PLPPR1: variants seen among roughly 807,000 people sequenced by gnomAD.
The protein encoded by PLPPR1 is phospholipid phosphatase-related protein type 1.
PLPPR1 carries 10 observed loss-of-function variants against 33.1 expected under a neutral mutation model. The observed-to-expected ratio is 0.30, with a 90% confidence interval of 0.19 to 0.51. The LOEUF (loss-of-function observed/expected upper bound fraction) is 0.51. Among genes scored for constraint, PLPPR1 ranks in the 20% least tolerant of loss-of-function variants. The probability of loss-of-function intolerance (pLI) is 0.97; values close to 1 mark genes in which losing one functional copy is unlikely to be tolerated. For synonymous variants in PLPPR1, 151 were observed against 151.0 expected, an observed-to-expected ratio of 1.00 and a Z score of 0.00; for missense variants, 304 against 408.1, an observed-to-expected ratio of 0.74 and a Z score of 2.20.
At chr9:101,146,547 G>A (rs554411750) in intron 1 of PLPPR1, among the ~76,000 whole-genome samples, 4 of 152,290 alleles carry the variant, frequency 2.6e-5, no homozygotes, top group South Asian at 4.1e-4. Context: ...TGGATTACCC[G>A]GGAATTTTAG....
intron 3 of PLPPR1, among the ~76,000 whole-genome samples, chr9:101,278,708 G>A (rs957739664): frequency 2.6e-5 from 4 of 152,160 alleles, no homozygotes; most frequent in African/African-American, 4.8e-5. Context: ...TCCACAAACT[G>A]AGTCCCAGTC....
chr9:101,080,768 TG>T (rs1358837263), intron 1 of PLPPR1, among the ~76,000 whole-genome samples: 1 of 152,182 alleles, frequency 6.6e-6, no homozygotes, highest in Non-Finnish European at 1.5e-5. Context: ...GTTTTCAGTA[TG>T]GGGCTTTGCA....
At chr9:101,160,120 G>A (rs1407895393) in intron 1 of PLPPR1, among the ~76,000 whole-genome samples, 1 of 152,146 alleles carries the variant, frequency 6.6e-6, no homozygotes, top group Non-Finnish European at 1.5e-5. Context: ...GACAGCTTGA[G>A]CCTCTAGAAA....
intron 1 of PLPPR1, among the ~76,000 whole-genome samples, chr9:101,057,290 G>A (rs1036540195): frequency 9.2e-5 from 14 of 152,006 alleles, no homozygotes; most frequent in Admixed American, 6.6e-4. Flanking sequence ...GATGAAAAAC[G>A]TGATTTGATC....
chr9:101,153,339 A>G (rs967721470), intron 1 of PLPPR1, among the ~76,000 whole-genome samples: 1 of 152,172 alleles, frequency 6.6e-6, no homozygotes, highest in African/African-American at 2.4e-5. Flanking sequence ...TCATCTGCAA[A>G]CAGGGACAAT....
At chr9:101,110,794 G>C (rs147514734) in intron 1 of PLPPR1, among the ~76,000 whole-genome samples, 2 of 152,108 alleles carry the variant, frequency 1.3e-5, no homozygotes, top group Non-Finnish European at 2.9e-5. Context: ...TTTGAGAAAT[G>C]ATGTTCATGT....
intron 1 of PLPPR1, among the ~76,000 whole-genome samples, chr9:101,036,267 C>T (rs1026271298): frequency 6.6e-6 from 1 of 151,946 alleles, no homozygotes; most frequent in South Asian, 2.1e-4. Context: ...TGGCAAGGGC[C>T]CTGATTGAAA....
At chr9:101,296,579 G>A (rs367548423) in intron 4 of PLPPR1, among the ~76,000 whole-genome samples, 1 of 152,154 alleles carries the variant, frequency 6.6e-6, no homozygotes, top group Non-Finnish European at 1.5e-5. Flanking sequence ...ACTGGATAAC[G>A]AAAATGTGGC....
intron 1 of PLPPR1, among the ~76,000 whole-genome samples, chr9:101,149,469 A>T (rs1200469612): frequency 6.6e-6 from 1 of 152,180 alleles, no homozygotes; most frequent in Non-Finnish European, 1.5e-5. Context: ...CAGATATTCC[A>T]TCTGGGACCT....
chr9:101,176,625 C>T (rs1451870717), intron 1 of PLPPR1, among the ~76,000 whole-genome samples: 1 of 152,078 alleles, frequency 6.6e-6, no homozygotes, highest in Non-Finnish European at 1.5e-5. Context: ...CTCTGTTAAG[C>T]AATAACAAGG....
intron 1 of PLPPR1, among the ~76,000 whole-genome samples, chr9:101,059,157 T>C (rs993813558): frequency 1.3e-5 from 2 of 152,180 alleles, no homozygotes; most frequent in African/African-American, 2.4e-5. Context: ...CATTAATATG[T>C]ATCAAAAAGA....
At chr9:101,173,052 T>C (rs1024118649) in intron 1 of PLPPR1, among the ~76,000 whole-genome samples, 5 of 152,106 alleles carry the variant, frequency 3.3e-5, no homozygotes, top group Admixed American at 3.3e-4. Context: ...CAGTGCTCAC[T>C]TTTTGAGGCC....
chr9:101,249,182 A>G (rs926629166), intron 2 of PLPPR1, among the ~76,000 whole-genome samples: 8 of 152,128 alleles, frequency 5.3e-5, no homozygotes, highest in African/African-American at 1.9e-4. Context: ...TTAAACCATC[A>G]GTGAGCAAAT....
chr9:101,164,820 G>T (rs1825832771), intron 1 of PLPPR1, among the ~76,000 whole-genome samples: 2 of 152,086 alleles, frequency 1.3e-5, no homozygotes, highest in African/African-American at 4.8e-5. Context: ...AGTAATTTTA[G>T]CACAAGAACC....
intron 1 of PLPPR1, among the ~76,000 whole-genome samples, chr9:101,079,431 G>C (rs779252090): frequency 7.2e-5 from 11 of 152,064 alleles, no homozygotes; most frequent in African/African-American, 2.7e-4. Context: ...GTTGTTGTGT[G>C]TTTTGTTTTA....
At chr9:101,089,736 CTT>C (rs1321783587) in intron 1 of PLPPR1, among the ~76,000 whole-genome samples, 2 of 152,128 alleles carry the variant, frequency 1.3e-5, no homozygotes, top group Non-Finnish European at 2.9e-5. Flanking sequence ...TCATTATAAA[CTT>C]ATCACAGTGA....
chr9:101,069,339 A>C (rs1830457125), intron 1 of PLPPR1, among the ~76,000 whole-genome samples: 1 of 152,116 alleles, frequency 6.6e-6, no homozygotes, highest in South Asian at 2.1e-4. Context: ...CCCAAGATCA[A>C]GTAATAGAGC....
intron 1 of PLPPR1, among the ~76,000 whole-genome samples, chr9:101,137,127 C>A (rs1414887457): frequency 6.6e-6 from 1 of 151,972 alleles, no homozygotes; most frequent in East Asian, 1.9e-4. Context: ...TACTACATAC[C>A]CATAAAAATT....
intron 1 of PLPPR1, among the ~76,000 whole-genome samples, chr9:101,099,385 T>A (rs1830866680): frequency 6.6e-6 from 1 of 152,140 alleles, no homozygotes; most frequent in Non-Finnish European, 1.5e-5. Flanking sequence ...AAGGATTTGT[T>A]TTCTGATTTC....
Sources: allele counts gnomAD v4.1 joint callset (sites outside exome capture counted in the v4.1 genomes callset), GRCh38; gene constraint gnomAD v4.1.1; transcripts MANE v1.5; gene names NCBI Gene and HGNC (gene_info 2026-07-23, HGNC 2026-07-21).